The following SLC7A6 variants were observed in gnomAD, a reference collection of about 807,000 sequenced individuals.
SLC7A6 encodes Y+L amino acid transporter 2.
A neutral mutation model predicts 46.6 loss-of-function variants in SLC7A6; 29 were observed. That is an observed-to-expected ratio of 0.62 (90% CI 0.46 to 0.85). The LOEUF (loss-of-function observed/expected upper bound fraction) is 0.85. SLC7A6 is among the 40% of genes least tolerant of loss of function. The pLI, the probability that SLC7A6 is intolerant of heterozygous loss-of-function variation, is 0.00. For synonymous variants in SLC7A6, 276 were observed against 257.3 expected, an observed-to-expected ratio of 1.07 and a Z score of -0.70; for missense variants, 527 against 647.6, an observed-to-expected ratio of 0.81 and a Z score of 2.02.
At chr16:68,277,937 TTATTA>T (rs1053179802) in intron 3 of SLC7A6, among the ~76,000 whole-genome samples, 1 of 150,186 alleles carries the variant, frequency 6.7e-6, no homozygotes, top group African/African-American at 2.5e-5. Flanking sequence ...ATTATTATTA[TTATTA>T]TTATTTTTCT....
intron 1 of SLC7A6, among the ~76,000 whole-genome samples, chr16:68,266,387 A>AT (rs1205264798): frequency 6.6e-6 from 1 of 152,232 alleles, no homozygotes; most frequent in Non-Finnish European, 1.5e-5. Context: ...TACTTCAGTT[A>AT]TACCCACCCT....
chr16:68,291,948 T>C, intron 7 of SLC7A6: 1 of 356,408 alleles, frequency 2.8e-6, no homozygotes, highest in Non-Finnish European at 5.1e-6. Flanking sequence ...TAGCTCATAT[T>C]TTGTGTGCTG....
intron 3 of SLC7A6, among the ~76,000 whole-genome samples, chr16:68,277,546 C>T (rs772193388): frequency 8.6e-5 from 13 of 151,978 alleles, no homozygotes; most frequent in South Asian, 2.1e-4. Context: ...GTCCTGACCT[C>T]GTGATCCGCC....
chr16:68,284,219 A>G (rs1214196595), intron 3 of SLC7A6: 3 of 152,184 alleles, frequency 2.0e-5, no homozygotes, highest in African/African-American at 7.2e-5. Context: ...CTAATGAACC[A>G]TTTTTATTTT....
At chr16:68,279,767 G>A (rs960720871) in intron 3 of SLC7A6, among the ~76,000 whole-genome samples, 3 of 152,206 alleles carry the variant, frequency 2.0e-5, no homozygotes, top group African/African-American at 4.8e-5. Context: ...TCGAACTCCT[G>A]AGCTCAAGTG....
Position 68,290,534 on chromosome 16 carries a change from C to T in SLC7A6, c.788C>T (p.Pro263Leu), listed in dbSNP as rs2043027942. The T allele has an allele frequency of 1.9e-6, 3 of 1,614,170 alleles. No homozygotes were observed. The East Asian group carries it at 6.7e-5, about 36-fold the overall frequency. Reference sequence around the variant, plus strand: ...TTTGTAACAGAAGAAATCAAAAACCCAGAAAGGTAAAGATGGGATCACACT... The same window carrying T: ...TTTGTAACAGAAGAAATCAAAAACCTAGAAAGGTAAAGATGGGATCACACT... ...LNFVTEEIKN[P>L]ERNLPLAIGI... is the part of the protein sequence containing the mutation. Residue 263 changes from proline (P) to leucine (L), a missense_variant, in exon 5 of 11, where the codon CCA becomes CTA. Physicochemically the swap from Pro to Leu is moderately conservative, Grantham distance 98. Transcript: ENST00000219343.
At chr16:68,296,138 G>A (rs996664088) in intron 8 of SLC7A6, among the ~76,000 whole-genome samples, 6 of 152,166 alleles carry the variant, frequency 3.9e-5, no homozygotes, top group Admixed American at 2.6e-4. Flanking sequence ...GAGGCATTGA[G>A]TGGAGGAAGG....
In SLC7A6 at chr16:68,301,296, G is replaced by C. The variant is rs747087917; in HGVS notation, c.*3968G>C. ...ACCATCAGTCTGAATCCAGGTCGTG[G>C]GGGCTGTCATAGCCGAACTCCTTCT... On this transcript the variant is annotated 3_prime_UTR_variant, in exon 11 of 11. Transcript: ENST00000219343. 15 of 1,613,898 alleles carry C rather than the reference G, an allele frequency of 9.3e-6. No individual in the cohort carries two copies. The African/African-American group carries it at 1.2e-4, about 13-fold the overall frequency.
At chr16:68,288,599 G>T (rs1183148364) in intron 4 of SLC7A6, among the ~76,000 whole-genome samples, 2 of 152,118 alleles carry the variant, frequency 1.3e-5, no homozygotes, top group East Asian at 3.9e-4. Flanking sequence ...GTCACCCGGG[G>T]AGCTGAGACC....
chr16:68,278,031 A>C (rs1212223692), intron 3 of SLC7A6, among the ~76,000 whole-genome samples: 1 of 151,522 alleles, frequency 6.6e-6, no homozygotes, highest in Non-Finnish European at 1.5e-5. Context: ...CCTCTGGCTC[A>C]CTGCATCCTC....
chr16:68,291,732 CT>C, intron 7 of SLC7A6, 71 bp downstream of exon 7: 2 of 1,261,248 alleles, frequency 1.6e-6, no homozygotes, highest in Non-Finnish European at 2.3e-6. Flanking sequence ...ATAAGAGTTC[CT>C]TTTTTCCCTC....
intron 7 of SLC7A6, 162 bp from the exon 8 acceptor site, chr16:68,294,543 C>A: frequency 1.6e-6 from 1 of 610,474 alleles, no homozygotes; most frequent in Non-Finnish European, 2.9e-6. Context: ...AAGGGGGGAG[C>A]AGGGAGGTTG....
chr16:68,277,704 C>T (rs1439402807), intron 3 of SLC7A6, among the ~76,000 whole-genome samples: 7 of 151,676 alleles, frequency 4.6e-5, no homozygotes, highest in Non-Finnish European at 8.8e-5. Context: ...CTCAGCTCAT[C>T]GCAACCTCGG....
rs1045348572 is a variant in SLC7A6, at chr16:68,291,760, A to AGGGT, written c.1022+101_1022+104dup. On this transcript the variant is annotated intron_variant, in intron 7 of 10. Transcript: ENST00000219343. ...TTTTCCCTCCTTCTCATGGGCATAT[A>AGGGT]GGGTGTGTGTGTGTGTGTGTGTGTG... 3.4e-5 allele frequency: 18 copies of AGGGT among 521,760 alleles called. No individual in the cohort carries two copies. The African/African-American group carries it at 5.3e-4, about 15-fold the overall frequency. The allele number at this position is 521,760 out of a possible 1,614,324, so 32.3% of individuals were successfully genotyped here.
chr16:68,275,799 GC>G (rs2042702144), intron 3 of SLC7A6, among the ~76,000 whole-genome samples: 1 of 152,006 alleles, frequency 6.6e-6, no homozygotes. Flanking sequence ...TCTCTTGGCT[GC>G]CCTTGTTCTG....
At chr16:68,295,150 T>C (rs2043137189) in intron 8 of SLC7A6, among the ~76,000 whole-genome samples, 1 of 152,204 alleles carries the variant, frequency 6.6e-6, no homozygotes, top group Non-Finnish European at 1.5e-5. Context: ...GTCCTTAATA[T>C]GTGCCAATTA....
intron 2 of SLC7A6, among the ~76,000 whole-genome samples, chr16:68,272,813 T>A (rs1021911683): frequency 1.3e-5 from 2 of 152,218 alleles, no homozygotes; most frequent in Non-Finnish European, 2.9e-5. Context: ...CTTGTCTCCA[T>A]GTTGACTTGG....
At chr16:68,274,441 G>T (rs2042673506) in intron 2 of SLC7A6, among the ~76,000 whole-genome samples, 1 of 152,210 alleles carries the variant, frequency 6.6e-6, no homozygotes, top group Non-Finnish European at 1.5e-5. Context: ...TGGGCTGCAG[G>T]ACAGGTATTT....
chr16:68,269,770 A>AGT (rs2042593607), intron 2 of SLC7A6, among the ~76,000 whole-genome samples: 4 of 151,784 alleles, frequency 2.6e-5, no homozygotes, highest in Admixed American at 2.6e-4. Flanking sequence ...AAAAAAAAGA[A>AGT]AGAAAAAAGG....
Sources: gnomAD v4.1 joint callset for allele counts (sites outside exome capture counted in the v4.1 genomes callset) on GRCh38, gnomAD v4.1.1 for gene constraint, MANE v1.5 for transcripts, NCBI Gene and HGNC (gene_info 2026-07-23, HGNC 2026-07-21) for gene names.